RPTOR: variants seen among roughly 807,000 people sequenced by gnomAD.
RPTOR encodes regulatory-associated protein of mTOR.
In RPTOR, 21 loss-of-function variants were observed where a neutral mutation model predicts 169.9. The observed-to-expected ratio is 0.12, with a 90% CI of 0.09 to 0.18. RPTOR has a LOEUF of 0.18. Among genes scored for constraint, RPTOR ranks in the 10% least tolerant of loss-of-function variants. The probability of loss-of-function intolerance (pLI) is 1.00; values close to 1 mark genes in which losing one functional copy is unlikely to be tolerated. For missense variants in RPTOR, 1,133 were observed against 1,855.9 expected (o/e 0.61, Z 7.16); for synonymous variants, 732 against 753.2 (o/e 0.97, Z 0.46).
chr17:80,701,107 G>C (rs1316641260), intron 3 of RPTOR, among the ~76,000 whole-genome samples: 2 of 152,088 alleles, frequency 1.3e-5, no homozygotes, highest in Non-Finnish European at 2.9e-5. Context: ...GAGGAGAGAG[G>C]GGAGCAAGCT....
chr17:80,957,836 C>A lies in RPTOR; in HGVS notation c.3477+106C>A. On this transcript the variant is annotated intron_variant, in intron 29 of 33. Coordinates refer to ENST00000306801, the MANE Select transcript of RPTOR (RefSeq NM_020761.3). The surrounding 1 kb of genome is among the most constrained non-coding windows in gnomAD (Gnocchi z 4.6). The stretch of plus-strand genomic sequence containing the variant: ...AGTGTGCGGTGAGGCCTGGCCATCC[C>A]AGGGGTGGAGTCAGGGCCTGGGAGG... 2 of 1,027,186 alleles carry A rather than the reference C, an allele frequency of 1.9e-6. No individual in the cohort carries two copies. The highest frequency in any genetic ancestry group is 2.5e-5 in the East Asian group (1 of 40,198). 63.6% of individuals were successfully genotyped at this position (1,027,186 alleles called of 1,614,324 possible).
chr17:80,822,336 A>G (rs781394977), intron 8 of RPTOR, 35 bp downstream of exon 8: 16 of 1,603,418 alleles, frequency 1.0e-5, no homozygotes, highest in African/African-American at 5.4e-5. Flanking sequence ...GAGGGAGGCT[A>G]TGGCCTTGAG....
intron 5 of RPTOR, among the ~76,000 whole-genome samples, chr17:80,735,082 A>G (rs1286093240): frequency 6.6e-6 from 1 of 152,218 alleles, no homozygotes; most frequent in Non-Finnish European, 1.5e-5. Flanking sequence ...ACTTCGCTTT[A>G]GACCGAGTTG....
At chr17:80,620,014 A>T (rs1392766346) in intron 1 of RPTOR, among the ~76,000 whole-genome samples, 2 of 152,174 alleles carry the variant, frequency 1.3e-5, no homozygotes, top group Non-Finnish European at 2.9e-5. Flanking sequence ...TGCCTCCAGG[A>T]TGGCTGGGAA....
Position 80,951,042 on chromosome 17 carries a change from C to A in RPTOR, c.3370+1495C>A, listed in dbSNP as rs139525065. Among the ~76,000 whole-genome samples, 568 of 152,258 alleles carry A rather than the reference C, an allele frequency of 3.7e-3. 7 individuals carry two copies. The highest frequency in any genetic ancestry group is 0.013 in the African/African-American group (550 of 41,558). ...GGAAGGACACACCCGTGGCTAGCCC[C>A]GGGGTCCATGAGACCCCCCTAGAAG... On this transcript the variant is annotated intron_variant, in intron 28 of 33. Transcript: ENST00000306801.
At chr17:80,864,320 GAGTGA>G (rs1284545029) in intron 13 of RPTOR, among the ~76,000 whole-genome samples, 14 of 145,976 alleles carry the variant, frequency 9.6e-5, no homozygotes, top group South Asian at 2.2e-4. Flanking sequence ...GAAAAGGTGA[GAGTGA>G]CGGCAGGTTT....
chr17:80,670,547 CTG>C (rs2065814028), intron 3 of RPTOR, among the ~76,000 whole-genome samples: 1 of 152,176 alleles, frequency 6.6e-6, no homozygotes, highest in African/African-American at 2.4e-5. Context: ...CTCTCACACA[CTG>C]TGCAGTTTTC....
intron 21 of RPTOR, among the ~76,000 whole-genome samples, chr17:80,912,124 C>T (rs1040524839): frequency 1.8e-4 from 28 of 152,312 alleles, no homozygotes; most frequent in African/African-American, 6.5e-4. Context: ...TTTAAATAGC[C>T]GTTTTCACTA....
intron 21 of RPTOR, among the ~76,000 whole-genome samples, chr17:80,911,292 C>T (rs963117470): frequency 1.4e-4 from 22 of 152,338 alleles, no homozygotes; most frequent in South Asian, 1.0e-3. Context: ...CCTTCGTCAC[C>T]GTGTGGTGTG....
In RPTOR at chr17:80,615,950, T is replaced by C. The variant is rs2315926; in HGVS notation, c.163-9741T>C. ...CTATGGGGCCTTTGGAACGGCTTCA[T>C]GAGATGCGTTGGCCCAAGCAGAAGG... On this transcript the variant is annotated intron_variant, in intron 1 of 33. Coordinates refer to ENST00000306801, the MANE Select transcript of RPTOR (RefSeq NM_020761.3). Among the ~76,000 whole-genome samples, 431 of 152,196 alleles carry C rather than the reference T, an allele frequency of 2.8e-3. 2 individuals are homozygous for C. The highest frequency in any genetic ancestry group is 9.5e-3 in the African/African-American group (395 of 41,516).
intron 6 of RPTOR, among the ~76,000 whole-genome samples, chr17:80,767,233 T>C (rs2066796955): frequency 6.6e-6 from 1 of 152,128 alleles, no homozygotes; most frequent in Non-Finnish European, 1.5e-5. Flanking sequence ...TACTCGTGCG[T>C]GGTGGCATAC....
intron 24 of RPTOR, among the ~76,000 whole-genome samples, chr17:80,937,051 G>A (rs1408681715): frequency 6.6e-6 from 1 of 152,156 alleles, no homozygotes; most frequent in African/African-American, 2.4e-5. Flanking sequence ...AGTGGGGAGG[G>A]GATAGTTTGT....
intron 6 of RPTOR, among the ~76,000 whole-genome samples, chr17:80,773,013 C>G (rs1369415053): frequency 1.3e-5 from 2 of 152,198 alleles, no homozygotes; most frequent in Non-Finnish European, 2.9e-5. Flanking sequence ...TGGCTTCATG[C>G]ATGCAGGGCT....
intron 4 of RPTOR, among the ~76,000 whole-genome samples, chr17:80,711,767 A>ACGG (rs764327407): frequency 0.38 from 21,614 of 56,410 alleles, 2,433 homozygotes; most frequent in Non-Finnish European, 0.42. Flanking sequence ...TTTTGAGGTT[A>ACGG]AGTCTCCCTC....
chr17:80,962,215 C>T (rs1423609717), intron 31 of RPTOR, among the ~76,000 whole-genome samples: 6 of 152,250 alleles, frequency 3.9e-5, no homozygotes, highest in Non-Finnish European at 8.8e-5. Context: ...CAGAAAGCTC[C>T]GCGCCTTTTC....
chr17:80,938,622 G>A (rs1306826346), intron 24 of RPTOR, among the ~76,000 whole-genome samples: 5 of 152,182 alleles, frequency 3.3e-5, no homozygotes, highest in South Asian at 4.1e-4. Flanking sequence ...GAAAATGTGC[G>A]GAGGGAGCCA....
chr17:80,824,182 C>A (rs371356713), intron 9 of RPTOR, among the ~76,000 whole-genome samples: 1 of 152,084 alleles, frequency 6.6e-6, no homozygotes, highest in Non-Finnish European at 1.5e-5. Context: ...TATTTATATG[C>A]GATAGATCAA....
chr17:80,895,660 C>T (rs957461009), intron 20 of RPTOR, among the ~76,000 whole-genome samples: 1 of 152,248 alleles, frequency 6.6e-6, no homozygotes, highest in Non-Finnish European at 1.5e-5. Context: ...GCTGCGTGAA[C>T]GGTGCCTGCA....
At chr17:80,657,728 A>G (rs2065690841) in intron 3 of RPTOR, among the ~76,000 whole-genome samples, 1 of 151,960 alleles carries the variant, frequency 6.6e-6, no homozygotes, top group Non-Finnish European at 1.5e-5. Context: ...TGGGGCATTT[A>G]TTTACTGGAT....
Sources: gnomAD v4.1 joint callset for allele counts (sites outside exome capture counted in the v4.1 genomes callset) on GRCh38, gnomAD v4.1.1 for gene constraint, Gnocchi (gnomAD v3.1) non-coding constraint, MANE v1.5 for transcripts, NCBI Gene and HGNC (gene_info 2026-07-23, HGNC 2026-07-21) for gene names.